Variants in NR5A2 observed in about 807,000 individuals in gnomAD.
NR5A2 encodes nuclear receptor subfamily 5 group A member 2.
A neutral mutation model predicts 62.7 loss-of-function variants in NR5A2; 26 were observed. The observed-to-expected ratio is 0.41, with a 90% CI of 0.30 to 0.58. The LOEUF (loss-of-function observed/expected upper bound fraction) is 0.58, where lower values mean the gene tolerates loss of function less well. Ranked by LOEUF, NR5A2 falls within the 20% of genes least tolerant of loss-of-function variation. The probability of loss-of-function intolerance (pLI) is 0.22; values close to 1 mark genes in which losing one functional copy is unlikely to be tolerated. For synonymous variants in NR5A2, 246 were observed against 241.7 expected, an observed-to-expected ratio of 1.02 and a Z score of -0.16; for missense variants, 541 against 669.1, an observed-to-expected ratio of 0.81 and a Z score of 2.11.
At chr1:200,032,688 G>A (rs2737657) in intron 1 of NR5A2, among the ~76,000 whole-genome samples, 49,517 of 152,010 alleles carry the variant, frequency 0.33, 11,742 homozygotes, top group African/African-American at 0.67. Context: ...TATATCCAGC[G>A]TAATATATTT....
At chr1:200,143,752 C>T (rs1286240157) in intron 7 of NR5A2, among the ~76,000 whole-genome samples, 2 of 151,116 alleles carry the variant, frequency 1.3e-5, no homozygotes, top group Non-Finnish European at 2.9e-5. Context: ...AGCGATTCTC[C>T]TGTCTCAGCC....
intron 5 of NR5A2, among the ~76,000 whole-genome samples, chr1:200,053,665 G>A (rs1286456389): frequency 6.6e-6 from 1 of 151,524 alleles, no homozygotes; most frequent in Admixed American, 6.6e-5. Flanking sequence ...TGAAGCTAAA[G>A]CAAATCTCTA....
chr1:200,066,377 GT>G (rs34943371), intron 5 of NR5A2, among the ~76,000 whole-genome samples: 15,650 of 152,082 alleles, frequency 0.1, 956 homozygotes, highest in Middle Eastern at 0.17. Flanking sequence ...TCCTGCACAT[GT>G]TCTAAAACTT....
At chr1:200,070,257 C>T (rs1352141500) in intron 5 of NR5A2, among the ~76,000 whole-genome samples, 1 of 152,074 alleles carries the variant, frequency 6.6e-6, no homozygotes, top group Non-Finnish European at 1.5e-5. Flanking sequence ...TGGGCTTCGG[C>T]TTTCTCGGTC....
In NR5A2 at chr1:200,045,578, C is replaced by T. The variant is rs749497081; in HGVS notation, c.457C>T (p.Leu153=). Residue 153 remains leucine, a synonymous_variant, in exon 4 of 8, where the codon CTA becomes TTA. Coordinates refer to ENST00000367362, the MANE Select transcript of NR5A2 (RefSeq NM_205860.3). ...FQKCLSVGMK[L]EAVRADRMRG... ...AAAATGTCTAAGTGTTGGAATGAAG[C>T]TAGAAGGTAAGATTCTTCTAAAGAC... 6.2e-7 allele frequency: 1 copy of T among 1,608,814 alleles called. No homozygotes were observed. The highest frequency in any genetic ancestry group is 1.1e-5 in the South Asian group (1 of 90,042).
At chr1:200,028,425 C>CAAAA (rs67706127) in intron 1 of NR5A2, among the ~76,000 whole-genome samples, 2,268 of 83,470 alleles carry the variant, frequency 0.027, 91 homozygotes, top group African/African-American at 0.073. Context: ...CCCCCACCTC[C>CAAAA]AAAAAAAAAA....
chr1:200,083,901 G>T (rs1003282865), intron 5 of NR5A2, among the ~76,000 whole-genome samples: 2 of 151,694 alleles, frequency 1.3e-5, no homozygotes, highest in African/African-American at 4.8e-5. Context: ...GGAGGTGGAG[G>T]TTGCAGTGAG....
At chr1:200,089,535 A>G (rs943068729) in intron 5 of NR5A2, among the ~76,000 whole-genome samples, 4 of 152,156 alleles carry the variant, frequency 2.6e-5, no homozygotes, top group Admixed American at 2.6e-4. Context: ...CAGTGGCACC[A>G]CCTCGGCTCA....
intron 5 of NR5A2, among the ~76,000 whole-genome samples, chr1:200,061,573 C>T (rs1038136954): frequency 6.6e-6 from 1 of 152,134 alleles, no homozygotes; most frequent in African/African-American, 2.4e-5. Context: ...CCACTGCGCC[C>T]GACCCGGGAT....
At chr1:200,172,568 T>G (rs894892758) in intron 7 of NR5A2, among the ~76,000 whole-genome samples, 1 of 152,228 alleles carries the variant, frequency 6.6e-6, no homozygotes, top group Non-Finnish European at 1.5e-5. Context: ...TCCTCACTGT[T>G]TTTAATTTGG....
Position 200,133,821 on chromosome 1 carries a change from G to A in NR5A2, c.1378+12866G>A, listed in dbSNP as rs1003440106. Among the ~76,000 whole-genome samples the A allele has an allele frequency of 2.1e-4, 31 of 148,412 alleles. 1 individual carries two copies. The highest frequency in any genetic ancestry group is 7.7e-4 in the African/African-American group (31 of 40,172). Reference sequence around the variant, plus strand: ...TAGCCTCAGGCAGGTCCCTCTGGGGGTATCCAGAAGAAGGTATTGTTATAG... The same window carrying A: ...TAGCCTCAGGCAGGTCCCTCTGGGGATATCCAGAAGAAGGTATTGTTATAG... On this transcript the variant is annotated intron_variant, in intron 7 of 7. Coordinates refer to ENST00000367362, the MANE Select transcript of NR5A2 (RefSeq NM_205860.3).
At chr1:200,051,011 A>C (rs1478755364) in intron 5 of NR5A2, among the ~76,000 whole-genome samples, 3 of 152,346 alleles carry the variant, frequency 2.0e-5, no homozygotes, top group Admixed American at 1.3e-4. Flanking sequence ...TTAGTTTAAC[A>C]TTGGCAAAAA....
chr1:200,105,183 T>C (rs771121909), intron 5 of NR5A2, among the ~76,000 whole-genome samples: 18 of 152,096 alleles, frequency 1.2e-4, no homozygotes, highest in Non-Finnish European at 2.5e-4. Context: ...TGGTCTTGAA[T>C]TCCTGGATGC....
intron 5 of NR5A2, among the ~76,000 whole-genome samples, chr1:200,061,695 A>G (rs995239444): frequency 5.3e-5 from 8 of 152,222 alleles, no homozygotes; most frequent in African/African-American, 1.7e-4. Context: ...TTATTGTGCA[A>G]TAAGAGCCTC....
At position 200,076,131 on chromosome 1, in the gene NR5A2, T is replaced by C. The variant is rs147761496; in HGVS notation, c.1110+27313T>C. On this transcript the variant is annotated intron_variant, in intron 5 of 7. Transcript: ENST00000367362. ...TTTCCTCCCCTTTCTTCAGAAGTAGTCTTCCGCATGGTTTAATGTGCTAAC... is the reference window on the plus strand; with the variant it reads ...TTTCCTCCCCTTTCTTCAGAAGTAGCCTTCCGCATGGTTTAATGTGCTAAC... Among the ~76,000 whole-genome samples the C allele has an allele frequency of 1.1e-4, 16 of 152,316 alleles. No homozygotes were observed. The East Asian group carries it at 2.9e-3, about 28-fold the overall frequency.
intron 5 of NR5A2, among the ~76,000 whole-genome samples, chr1:200,090,737 G>A (rs1367083967): frequency 6.6e-6 from 1 of 152,150 alleles, no homozygotes; most frequent in Non-Finnish European, 1.5e-5. Flanking sequence ...CTGTGAGACT[G>A]TACTCCTGGA....
chr1:200,167,598 C>T (rs1409630357), intron 7 of NR5A2, among the ~76,000 whole-genome samples: 1 of 152,088 alleles, frequency 6.6e-6, no homozygotes, highest in Non-Finnish European at 1.5e-5. Flanking sequence ...TGACCATTTC[C>T]CTCTTTCCTA....
At chr1:200,067,224 C>T (rs1310874101) in intron 5 of NR5A2, among the ~76,000 whole-genome samples, 2 of 151,820 alleles carry the variant, frequency 1.3e-5, no homozygotes, top group African/African-American at 4.8e-5. Flanking sequence ...AGCAAAGGAA[C>T]ACAGGAACAG....
intron 5 of NR5A2, among the ~76,000 whole-genome samples, chr1:200,103,447 TGA>T (rs1045586547): frequency 6.6e-6 from 1 of 152,072 alleles, no homozygotes; most frequent in African/African-American, 2.4e-5. Context: ...GGACAGTGCC[TGA>T]GAGTACAATG....
Sources: gnomAD v4.1 joint callset for allele counts (sites outside exome capture counted in the v4.1 genomes callset) on GRCh38, gnomAD v4.1.1 for gene constraint, MANE v1.5 for transcripts, NCBI Gene and HGNC (gene_info 2026-07-23, HGNC 2026-07-21) for gene names.